The following METTL9 variants were observed in gnomAD, a reference collection of about 807,000 sequenced individuals.
METTL9 encodes the protein protein-L-histidine N-pros-methyltransferase.
A neutral mutation model predicts 36.0 loss-of-function variants in METTL9; 10 were observed. The observed-to-expected ratio is 0.28, with a 90% confidence interval of 0.17 to 0.47. METTL9 has a LOEUF of 0.47. Among genes scored for constraint, METTL9 ranks in the 20% least tolerant of loss-of-function variants. The pLI is 0.99. For synonymous variants in METTL9, 175 were observed against 149.7 expected, an observed-to-expected ratio of 1.17 and a Z score of -1.23; for missense variants, 246 against 383.5, an observed-to-expected ratio of 0.64 and a Z score of 3.00.
intron 2 of METTL9, among the ~76,000 whole-genome samples, chr16:21,615,615 AT>A (rs1440246392): frequency 1.3e-5 from 2 of 152,148 alleles, no homozygotes; most frequent in African/African-American, 4.8e-5. Context: ...TATAATTATC[AT>A]GTCAAGATTC....
chr16:21,633,200 G>A (rs1966007812), intron 4 of METTL9, among the ~76,000 whole-genome samples: 1 of 152,132 alleles, frequency 6.6e-6, no homozygotes, highest in African/African-American at 2.4e-5. Flanking sequence ...TCCTTGCTGA[G>A]GGCCCTGGTC....
At chr16:21,651,003 C>A (rs1163679209) in intron 4 of METTL9, among the ~76,000 whole-genome samples, 1 of 152,162 alleles carries the variant, frequency 6.6e-6, no homozygotes, top group Non-Finnish European at 1.5e-5. Flanking sequence ...GCGGGCGGAT[C>A]ACGAGGTCAG....
chr16:21,624,407 T>A (rs1965774240), intron 3 of METTL9, among the ~76,000 whole-genome samples: 1 of 152,116 alleles, frequency 6.6e-6, no homozygotes, highest in African/African-American at 2.4e-5. Context: ...TGTGTTGAGA[T>A]TTGGAAATAG....
At chr16:21,601,341 A>C (rs1965121243) in intron 1 of METTL9, among the ~76,000 whole-genome samples, 1 of 152,230 alleles carries the variant, frequency 6.6e-6, no homozygotes, top group South Asian at 2.1e-4. Flanking sequence ...GTAGACAATG[A>C]ATTAGAAATG....
intron 1 of METTL9, chr16:21,612,013 C>T (rs1437551592): frequency 1.3e-5 from 2 of 152,148 alleles, no homozygotes; most frequent in Non-Finnish European, 1.5e-5. Context: ...TTCTTGAGCA[C>T]ATGTTGCCTC....
At chr16:21,617,804 T>C (rs1420996531) in intron 2 of METTL9, 61 bp from the exon 3 acceptor site, 2 of 1,344,842 alleles carry the variant, frequency 1.5e-6, no homozygotes, top group African/African-American at 2.9e-5. Context: ...ACTTTGTGTG[T>C]GTATGTGAGG....
upstream of METTL9, chr16:21,599,369 G>T: frequency 9.6e-7 from 1 of 1,041,120 alleles, no homozygotes; most frequent in Non-Finnish European, 1.2e-6. This position sits in a 1 kb window ranked among gnomAD's most constrained non-coding sequence, Gnocchi z 4.4. Flanking sequence ...GCCAAGGCAG[G>T]GCCGGGACAC....
intron 1 of METTL9, among the ~76,000 whole-genome samples, chr16:21,605,306 G>GTTT (rs1965255429): frequency 3.6e-5 from 2 of 55,216 alleles, no homozygotes; most frequent in African/African-American, 1.4e-4. Context: ...TGAGAAACAA[G>GTTT]TTCTTACTCT....
At chr16:21,604,508 TTTAA>T (rs971083639) in intron 1 of METTL9, among the ~76,000 whole-genome samples, 1 of 152,136 alleles carries the variant, frequency 6.6e-6, no homozygotes, top group African/African-American at 2.4e-5. Flanking sequence ...TTTAATCTGT[TTTAA>T]TTGATTCCCC....
intron 3 of METTL9, among the ~76,000 whole-genome samples, chr16:21,623,172 T>C (rs1167903930): frequency 6.6e-6 from 1 of 152,178 alleles, no homozygotes; most frequent in Non-Finnish European, 1.5e-5. Context: ...GCTCTACTTA[T>C]TTCAAACAGT....
At chr16:21,597,374 C>T (rs930976609), upstream of METTL9, 5 of 990,146 alleles carry the variant, frequency 5.0e-6, no homozygotes, top group Non-Finnish European at 7.0e-6. Flanking sequence ...TCTTCCTGTG[C>T]CTGCTAAATG....
intron 1 of METTL9, among the ~76,000 whole-genome samples, chr16:21,603,699 C>T (rs747978007): frequency 3.9e-5 from 6 of 152,114 alleles, no homozygotes; most frequent in East Asian, 1.9e-4. Context: ...GTAATAATAG[C>T]GGTTCAGTAG....
chr16:21,630,981 A>G (rs1965946054), intron 4 of METTL9, among the ~76,000 whole-genome samples: 1 of 152,178 alleles, frequency 6.6e-6, no homozygotes, highest in Non-Finnish European at 1.5e-5. Flanking sequence ...CTCTTCTCCT[A>G]AGAAGGTGCA....
chr16:21,648,334 G>T (rs950186470), intron 4 of METTL9, among the ~76,000 whole-genome samples: 2 of 152,172 alleles, frequency 1.3e-5, no homozygotes, highest in African/African-American at 2.4e-5. Flanking sequence ...AGAAAATGGG[G>T]ATAGTATTGT....
chr16:21,640,204 T>C (rs9921724), intron 4 of METTL9: 61,640 of 151,728 alleles, frequency 0.41, 13,362 homozygotes, highest in African/African-American at 0.56. Context: ...TCCCAAAGTG[T>C]TGGGATTACA....
At chr16:21,614,157 G>A (rs1965499039) in intron 2 of METTL9, among the ~76,000 whole-genome samples, 1 of 152,176 alleles carries the variant, frequency 6.6e-6, no homozygotes, top group African/African-American at 2.4e-5. Context: ...TTTTATATGG[G>A]TGGTTGAGTT....
At chr16:21,648,078 C>T (rs1172407621) in intron 4 of METTL9, among the ~76,000 whole-genome samples, 2 of 152,176 alleles carry the variant, frequency 1.3e-5, no homozygotes, top group Non-Finnish European at 2.9e-5. Flanking sequence ...GCAACATGTA[C>T]ACCTGTGGAA....
chr16:21,649,633 C>T (rs1966517386), intron 4 of METTL9, among the ~76,000 whole-genome samples: 1 of 152,196 alleles, frequency 6.6e-6, no homozygotes, highest in South Asian at 2.1e-4. Flanking sequence ...GTCTCAGTCT[C>T]AAGTCATCTT....
intron 2 of METTL9, among the ~76,000 whole-genome samples, chr16:21,617,432 G>A (rs138836258): frequency 5.7e-4 from 82 of 142,616 alleles, no homozygotes; most frequent in East Asian, 1.1e-3. Flanking sequence ...AAAAAAAAAA[G>A]AAAAAAAAAA....
Sources: gnomAD v4.1 joint callset for allele counts (sites outside exome capture counted in the v4.1 genomes callset) on GRCh38, gnomAD v4.1.1 for gene constraint, Gnocchi (gnomAD v3.1) non-coding constraint, MANE v1.5 for transcripts, NCBI Gene and HGNC (gene_info 2026-07-23, HGNC 2026-07-21) for gene names.